Variants in SHOC1 observed in about 807,000 individuals in gnomAD.
SHOC1 encodes the protein protein shortage in chiasmata 1 ortholog.
A neutral mutation model predicts 179.2 loss-of-function variants in SHOC1; 136 were observed. The observed-to-expected ratio is 0.76, with a 90% CI of 0.66 to 0.87. SHOC1 has a LOEUF of 0.87. Among genes scored for constraint, SHOC1 ranks in the 40% least tolerant of loss-of-function variants. The pLI, the probability that SHOC1 is intolerant of heterozygous loss-of-function variation, is 0.00. For synonymous variants in SHOC1, 489 were observed against 586.6 expected (o/e 0.83, Z 2.41); for missense variants, 1,538 against 1,700.8 (o/e 0.90, Z 1.68).
chr9:111,722,431 T>G lies in SHOC1; in HGVS notation c.2109A>C (p.Val703=). The change falls in exon 15 of 28, where the codon GTA becomes GTC. Residue 703 remains valine (V), a synonymous_variant. Coordinates refer to ENST00000682961, the MANE Select transcript of SHOC1 (RefSeq NM_001378211.1). ...CACCTTGGCGAACAGCATCACTTACTACTTTTTCTTGTTCCTTTAAGAGAA... is the reference window on the plus strand; with the variant it reads ...CACCTTGGCGAACAGCATCACTTACGACTTTTTCTTGTTCCTTTAAGAGAA... ...TRFLLKEQEK[V]VSDAVRQGTI... is the part of the protein sequence containing the mutation. 6.2e-7 allele frequency: 1 copy of G among 1,603,036 alleles called. No individual in the cohort carries two copies. The highest frequency in any genetic ancestry group is 8.5e-7 in the Non-Finnish European group (1 of 1,177,722).
At chr9:111,765,921 T>C (rs1409360653) in intron 5 of SHOC1, among the ~76,000 whole-genome samples, 1 of 152,142 alleles carries the variant, frequency 6.6e-6, no homozygotes, top group African/African-American at 2.4e-5. Context: ...GGTCTCATGA[T>C]CTGCCTGTCT....
intron 8 of SHOC1, among the ~76,000 whole-genome samples, chr9:111,755,102 G>A (rs983922304): frequency 2.6e-5 from 4 of 152,336 alleles, no homozygotes; most frequent in Admixed American, 6.5e-5. Context: ...CTCTGTGGCA[G>A]TGACTCTGTT....
chr9:111,774,218 A>T (rs1026244279), intron 5 of SHOC1, among the ~76,000 whole-genome samples: 33 of 152,040 alleles, frequency 2.2e-4, no homozygotes, highest in Non-Finnish European at 1.2e-4. Flanking sequence ...CCCACAAAAA[A>T]TTATTAAAAA....
intron 12 of SHOC1, among the ~76,000 whole-genome samples, chr9:111,729,802 G>C (rs1396697322): frequency 6.6e-6 from 1 of 150,972 alleles, no homozygotes; most frequent in Non-Finnish European, 1.5e-5. Context: ...TGAGGCAGGA[G>C]AATCGCTTGA....
intron 26 of SHOC1, among the ~76,000 whole-genome samples, chr9:111,693,544 AGT>A (rs1453662926): frequency 1.3e-5 from 2 of 151,802 alleles, no homozygotes; most frequent in African/African-American, 4.8e-5. Flanking sequence ...TGGAGGTTGC[AGT>A]GAGCTGAGAT....
intron 16 of SHOC1, 26 bp downstream of exon 16, chr9:111,718,158 G>A: frequency 1.4e-6 from 2 of 1,454,818 alleles, no homozygotes; most frequent in Non-Finnish European, 1.9e-6. Context: ...AGGAAGAAAA[G>A]AGGAAATAAA....
At chr9:111,782,332 C>G (rs1836095943) in intron 3 of SHOC1, among the ~76,000 whole-genome samples, 1 of 152,154 alleles carries the variant, frequency 6.6e-6, no homozygotes, top group African/African-American at 2.4e-5. Flanking sequence ...ACATCTCAAC[C>G]TTTTTGCACC....
chr9:111,689,279 A>T (rs1191299444), intron 27 of SHOC1, among the ~76,000 whole-genome samples: 3 of 150,736 alleles, frequency 2.0e-5, no homozygotes, highest in Non-Finnish European at 4.4e-5. Context: ...CCAGCTACTC[A>T]AGAGGTGGAG....
chr9:111,700,576 G>A (rs1564107899), intron 23 of SHOC1, among the ~76,000 whole-genome samples: 1 of 152,068 alleles, frequency 6.6e-6, no homozygotes, highest in Non-Finnish European at 1.5e-5. Flanking sequence ...CAACAAAGAG[G>A]AAATTACTAG....
intron 2 of SHOC1, 55 bp downstream of exon 2, chr9:111,791,319 A>T: frequency 9.8e-7 from 1 of 1,022,858 alleles, no homozygotes; most frequent in Non-Finnish European, 1.4e-6. Flanking sequence ...AATGTAGTTA[A>T]CACTTCTTAC....
intron 16 of SHOC1, among the ~76,000 whole-genome samples, chr9:111,715,483 C>G (rs1403028997): frequency 6.6e-6 from 1 of 152,134 alleles, no homozygotes; most frequent in Non-Finnish European, 1.5e-5. Context: ...TTCAGACCTC[C>G]CCCTGATTCT....
At chr9:111,701,788 A>G (rs1831982692) in intron 23 of SHOC1, among the ~76,000 whole-genome samples, 1 of 152,188 alleles carries the variant, frequency 6.6e-6, no homozygotes, top group African/African-American at 2.4e-5. Context: ...ACCTGATAAC[A>G]AGTGTATACA....
At chr9:111,719,355 T>A (rs1277201874) in intron 15 of SHOC1, among the ~76,000 whole-genome samples, 2 of 152,194 alleles carry the variant, frequency 1.3e-5, no homozygotes, top group African/African-American at 4.8e-5. Flanking sequence ...TTGCTCGGGA[T>A]TAATGCAATA....
rs113894136 is a variant in SHOC1 at position 111,705,276 on chromosome 9, A to T, written c.2826T>A (p.Thr942=). 800 of 1,574,228 alleles carry T rather than the reference A, an allele frequency of 5.1e-4. 6 individuals are homozygous for T. In the African/African-American group the frequency reaches 9.3e-3, roughly 18 times the overall value. The change falls in exon 21 of 28, where the codon ACT becomes ACA. Residue 942 remains threonine (T), a synonymous_variant. Transcript: ENST00000682961. ...ATTCTAGCAGCTGAAGTATGTCTGGAGTATTAAGAAGTCCTTCAGATGCAA... is the reference window on the plus strand; with the variant it reads ...ATTCTAGCAGCTGAAGTATGTCTGGTGTATTAAGAAGTCCTTCAGATGCAA... The part of the protein sequence containing the change: ...VFFASEGLLN[T]PDILQLLESN...
intron 17 of SHOC1, among the ~76,000 whole-genome samples, chr9:111,713,883 G>C (rs1192219334): frequency 6.6e-6 from 1 of 152,076 alleles, no homozygotes; most frequent in East Asian, 1.9e-4. Context: ...ATGAGATTCT[G>C]GCTTGGTATT....
chr9:111,693,122 A>C (rs1349565384), intron 26 of SHOC1, among the ~76,000 whole-genome samples: 3 of 152,030 alleles, frequency 2.0e-5, no homozygotes, highest in African/African-American at 7.2e-5. Flanking sequence ...CCTGGCCAAC[A>C]TGGTAAGACC....
At chr9:111,732,014 A>T (rs763045020) in intron 12 of SHOC1, among the ~76,000 whole-genome samples, 1 of 152,192 alleles carries the variant, frequency 6.6e-6, no homozygotes, top group Non-Finnish European at 1.5e-5. Context: ...AAAAAATTAT[A>T]TACAAATGGC....
chr9:111,786,084 CA>C (rs780383595), intron 2 of SHOC1, 49 bp from the exon 3 acceptor site: 2 of 1,259,840 alleles, frequency 1.6e-6, no homozygotes, highest in South Asian at 1.8e-5. Flanking sequence ...TACTATTTAT[CA>C]ATATTCAGAA....
At chr9:111,759,080 AT>A in intron 5 of SHOC1, 1 of 1,444,346 alleles carries the variant, frequency 6.9e-7, no homozygotes, top group South Asian at 1.4e-5. Context: ...ATAGCCAAAT[AT>A]CCCAAAAGAG....
Sources: gnomAD v4.1 joint callset for allele counts (sites outside exome capture counted in the v4.1 genomes callset) on GRCh38, gnomAD v4.1.1 for gene constraint, MANE v1.5 for transcripts, NCBI Gene and HGNC (gene_info 2026-07-23, HGNC 2026-07-21) for gene names.